Variants in ASTN2 observed in about 807,000 individuals in gnomAD.
ASTN2 encodes the protein astrotactin 2, also known as astrotactin-2.
A neutral mutation model predicts 139.8 loss-of-function variants in ASTN2; 54 were observed. The ratio of observed to expected loss-of-function variants is 0.39; its 90% CI spans 0.31 to 0.48. The LOEUF (loss-of-function observed/expected upper bound fraction) is 0.48, where lower values mean the gene tolerates loss of function less well. ASTN2 is among the 20% of genes least tolerant of loss of function. The pLI is 0.95. For missense variants in ASTN2, 1,565 were observed against 1,725.1 expected (o/e 0.91, Z 1.64); for synonymous variants, 756 against 719.5 (o/e 1.05, Z -0.81).
chr9:117,403,149 G>A lies in ASTN2; in HGVS notation c.442+11348C>T, dbSNP rs997913016. Among the ~76,000 whole-genome samples, 11 of 152,254 alleles carry A rather than the reference G, an allele frequency of 7.2e-5. No homozygotes were observed. In the South Asian group the frequency reaches 8.3e-4, roughly 11 times the overall value. On this transcript the variant is annotated intron_variant, in intron 1 of 22. Transcript: ENST00000313400. ...CAGATTCCCAGGCCTCTCCCCAGGA[G>A]CCTCAGCAGGTCTGGCCTTGAGAGC...
At chr9:116,976,413 C>T (rs1357260494) in intron 8 of ASTN2, among the ~76,000 whole-genome samples, 1 of 152,216 alleles carries the variant, frequency 6.6e-6, no homozygotes, top group Non-Finnish European at 1.5e-5. Context: ...AAATGTTCTT[C>T]TTTTCTTTGG....
At chr9:117,045,270 A>C (rs1028931657) in intron 5 of ASTN2, among the ~76,000 whole-genome samples, 2 of 151,926 alleles carry the variant, frequency 1.3e-5, no homozygotes, top group African/African-American at 2.4e-5. Flanking sequence ...AAAAAAAAAA[A>C]AAAAGAGCTA....
intron 5 of ASTN2, among the ~76,000 whole-genome samples, chr9:117,079,924 A>G (rs954507958): frequency 6.6e-6 from 1 of 152,264 alleles, no homozygotes; most frequent in Non-Finnish European, 1.5e-5. Flanking sequence ...TTATTATTTC[A>G]TTACAATCTT....
intron 7 of ASTN2, among the ~76,000 whole-genome samples, chr9:116,994,183 G>T (rs945569914): frequency 6.6e-6 from 1 of 152,070 alleles, no homozygotes; most frequent in Non-Finnish European, 1.5e-5. Context: ...ATATGTTCAG[G>T]TTTACAAGCC....
At chr9:116,555,076 G>A (rs1433190837) in intron 19 of ASTN2, among the ~76,000 whole-genome samples, 1 of 152,150 alleles carries the variant, frequency 6.6e-6, no homozygotes. Context: ...GGGAAAATTA[G>A]TTTGTATAAA....
chr9:117,122,572 A>G (rs1013330832), intron 4 of ASTN2, among the ~76,000 whole-genome samples: 1 of 152,206 alleles, frequency 6.6e-6, no homozygotes, highest in Admixed American at 6.5e-5. Flanking sequence ...AAGTGTCCAC[A>G]TGGTCATTGA....
intron 3 of ASTN2, among the ~76,000 whole-genome samples, chr9:117,153,858 G>A (rs1246213060): frequency 2.6e-5 from 4 of 152,036 alleles, no homozygotes; most frequent in Admixed American, 6.6e-5. Flanking sequence ...TATGCTTGCC[G>A]AATGAATGAA....
At chr9:116,451,913 T>C (rs1272787461) in intron 20 of ASTN2, among the ~76,000 whole-genome samples, 1 of 152,004 alleles carries the variant, frequency 6.6e-6, no homozygotes, top group African/African-American at 2.4e-5. Context: ...GCATGTGGCT[T>C]GGCTTTAACA....
intron 16 of ASTN2, among the ~76,000 whole-genome samples, chr9:116,712,072 T>C (rs973946129): frequency 6.6e-6 from 1 of 152,226 alleles, no homozygotes; most frequent in African/African-American, 2.4e-5. Flanking sequence ...CCCAGTGGGA[T>C]TTGATTCCTG....
At chr9:116,506,741 A>G (rs189455016) in intron 19 of ASTN2, among the ~76,000 whole-genome samples, 2 of 152,320 alleles carry the variant, frequency 1.3e-5, no homozygotes, top group East Asian at 3.9e-4. Flanking sequence ...TCCGCTCTAT[A>G]AAGTGATGAC....
intron 5 of ASTN2, among the ~76,000 whole-genome samples, chr9:117,042,402 T>C (rs1838604551): frequency 6.6e-6 from 1 of 152,168 alleles, no homozygotes; most frequent in Non-Finnish European, 1.5e-5. Flanking sequence ...CCCTTGTCTT[T>C]TTTCTCAGTC....
At chr9:116,948,459 C>T (rs574238363) in intron 10 of ASTN2, among the ~76,000 whole-genome samples, 2 of 152,284 alleles carry the variant, frequency 1.3e-5, no homozygotes, top group South Asian at 4.1e-4. Flanking sequence ...TGTTTCCATA[C>T]TTCTGACTTG....
intron 5 of ASTN2, among the ~76,000 whole-genome samples, chr9:117,077,943 A>G (rs1564415453): frequency 2.0e-5 from 3 of 152,196 alleles, no homozygotes. Flanking sequence ...CTCACTGTGG[A>G]AGCAGACAAG....
intron 19 of ASTN2, among the ~76,000 whole-genome samples, chr9:116,537,014 C>T (rs1272017987): frequency 1.3e-5 from 2 of 152,228 alleles, no homozygotes; most frequent in Admixed American, 1.3e-4. Flanking sequence ...CCCTTTTGAG[C>T]TTCCTGGCCA....
intron 16 of ASTN2, among the ~76,000 whole-genome samples, chr9:116,683,029 T>TAATAAAATAA (rs151202880): frequency 3.4e-5 from 5 of 148,250 alleles, no homozygotes; most frequent in South Asian, 4.3e-4. Flanking sequence ...AGTATAATAA[T>TAATAAAATAA]AATAAAATAA....
chr9:116,515,363 G>GT (rs1288346105), intron 19 of ASTN2, among the ~76,000 whole-genome samples: 1 of 152,148 alleles, frequency 6.6e-6, no homozygotes, highest in Admixed American at 6.5e-5. Context: ...AAAGTGTGCT[G>GT]AAGAGCTTCT....
At chr9:116,794,413 T>C (rs1163654014) in intron 13 of ASTN2, among the ~76,000 whole-genome samples, 1 of 152,130 alleles carries the variant, frequency 6.6e-6, no homozygotes, top group Non-Finnish European at 1.5e-5. Flanking sequence ...CCTCATAATA[T>C]TTGAAGAAAG....
At chr9:117,413,765 T>C (rs1335245114) in intron 1 of ASTN2, among the ~76,000 whole-genome samples, 1 of 152,132 alleles carries the variant, frequency 6.6e-6, no homozygotes, top group Non-Finnish European at 1.5e-5. Context: ...GGGAGTGAGC[T>C]GCAAGGACAA....
intron 13 of ASTN2, among the ~76,000 whole-genome samples, chr9:116,768,102 A>G (rs1829856798): frequency 6.6e-6 from 1 of 152,220 alleles, no homozygotes; most frequent in East Asian, 1.9e-4. Context: ...AGTAAAAAAG[A>G]CAATTAGAAT....
Sources: gnomAD v4.1 joint callset for allele counts (sites outside exome capture counted in the v4.1 genomes callset) on GRCh38, gnomAD v4.1.1 for gene constraint, MANE v1.5 for transcripts, NCBI Gene and HGNC (gene_info 2026-07-23, HGNC 2026-07-21) for gene names.